SMOC2: variants seen among roughly 807,000 people sequenced by gnomAD.
SMOC2 encodes SPARC-related modular calcium-binding protein 2.
Under a neutral mutation model 61.4 loss-of-function variants are expected in SMOC2, and 39 were observed. That is an observed-to-expected ratio of 0.64 (90% CI 0.49 to 0.83). SMOC2 has a LOEUF of 0.83. Ranked by LOEUF, SMOC2 falls within the 40% of genes least tolerant of loss-of-function variation. The probability of loss-of-function intolerance (pLI) is 0.00; values close to 1 mark genes in which losing one functional copy is unlikely to be tolerated. For missense variants in SMOC2, 556 were observed against 592.9 expected (o/e 0.94, Z 0.65); for synonymous variants, 247 against 239.9 (o/e 1.03, Z -0.27).
intron 1 of SMOC2, among the ~76,000 whole-genome samples, chr6:168,460,390 AGACTTTCCTCACAT>A (rs1337907475): frequency 1.3e-5 from 2 of 152,238 alleles, no homozygotes; most frequent in Non-Finnish European, 2.9e-5. Context: ...GGCCTTTTCA[AGACTTTCCTCACAT>A]GACTTTCTTA....
chr6:168,639,692 C>T (rs561395697), intron 9 of SMOC2, among the ~76,000 whole-genome samples: 93 of 152,354 alleles, frequency 6.1e-4, no homozygotes, highest in Admixed American at 2.3e-3. Context: ...ACTTGGAATG[C>T]GTTCGATTCC....
At chr6:168,531,994 G>A (rs1463942114) in intron 4 of SMOC2, among the ~76,000 whole-genome samples, 2 of 152,178 alleles carry the variant, frequency 1.3e-5, no homozygotes, top group African/African-American at 4.8e-5. Context: ...TGGATATGGC[G>A]AGGACAAGAA....
At chr6:168,655,826 G>T (rs191324707) in intron 11 of SMOC2, among the ~76,000 whole-genome samples, 1 of 152,090 alleles carries the variant, frequency 6.6e-6, no homozygotes, top group Non-Finnish European at 1.5e-5. Flanking sequence ...CTGCCCACTT[G>T]TGCTAGATCT....
chr6:168,452,304 A>AT lies in SMOC2; in HGVS notation c.84+10851dup, dbSNP rs1254492011. On this transcript the variant is annotated intron_variant, in intron 1 of 12. Coordinates refer to ENST00000356284, the MANE Select transcript of SMOC2 (RefSeq NM_001166412.2). This position sits in a 1 kb window ranked among gnomAD's most constrained non-coding sequence, Gnocchi z 5.0. ...TGTTACATTCAGGATTACTACCCAC[A>AT]TATCAGATAAGAGTATCATGTTATT... Among the ~76,000 whole-genome samples, 15 of 152,226 alleles carry AT rather than the reference A, an allele frequency of 9.9e-5. No individual in the cohort carries two copies. The highest frequency in any genetic ancestry group is 2.9e-5 in the Non-Finnish European group (2 of 68,042).
At chr6:168,659,771 GTTGT>G (rs1787451067) in intron 11 of SMOC2, among the ~76,000 whole-genome samples, 15 of 142,928 alleles carry the variant, frequency 1.0e-4, no homozygotes, top group African/African-American at 3.9e-4. Context: ...GTTGGGTGAG[GTTGT>G]AGATTATAGG....
intron 7 of SMOC2, among the ~76,000 whole-genome samples, chr6:168,571,040 C>A (rs1349155336): frequency 6.6e-6 from 1 of 152,110 alleles, no homozygotes. Context: ...TTTCCACGAC[C>A]CTCTTTGCAG....
intron 7 of SMOC2, among the ~76,000 whole-genome samples, chr6:168,562,781 C>A (rs924752980): frequency 6.6e-6 from 1 of 152,168 alleles, no homozygotes; most frequent in African/African-American, 2.4e-5. Flanking sequence ...GATGGTCCTG[C>A]CCCGGGAGAG....
chr6:168,642,085 T>C (rs927549408), intron 9 of SMOC2, among the ~76,000 whole-genome samples: 3 of 152,216 alleles, frequency 2.0e-5, no homozygotes, highest in Non-Finnish European at 2.9e-5. Flanking sequence ...GCAAATTTCA[T>C]TGGATAAAAG....
chr6:168,542,205 A>G (rs73258971), intron 4 of SMOC2, among the ~76,000 whole-genome samples: 4,668 of 152,306 alleles, frequency 0.031, 212 homozygotes, highest in African/African-American at 0.1. Flanking sequence ...TAAAGAGATG[A>G]TCCAAAAGGG....
At position 168,598,874 on chromosome 6, in the gene SMOC2, AACG is replaced by A; in HGVS notation, c.697_699del (p.Asp233del). The A allele has an allele frequency of 6.2e-7, 1 of 1,613,798 alleles. No individual in the cohort carries two copies. The highest frequency in any genetic ancestry group is 8.5e-7 in the Non-Finnish European group (1 of 1,179,836). ...CCTGGAGGAAGCCAAGCAGCCCAAG[AACG>A]ACAATGTGGTGATCCCTGAGTGTGC... On this transcript the variant is annotated inframe_deletion, in exon 8 of 13. Coordinates refer to ENST00000356284, the MANE Select transcript of SMOC2 (RefSeq NM_001166412.2).
chr6:168,511,500 C>T (rs1377131664), intron 2 of SMOC2, among the ~76,000 whole-genome samples: 1 of 152,204 alleles, frequency 6.6e-6, no homozygotes, highest in East Asian at 1.9e-4. Flanking sequence ...CCCACCAGGT[C>T]CCTCCCATGA....
intron 4 of SMOC2, among the ~76,000 whole-genome samples, chr6:168,537,025 C>T (rs1783747650): frequency 6.6e-6 from 1 of 152,228 alleles, no homozygotes; most frequent in Admixed American, 6.5e-5. Context: ...TCTCAGGGTA[C>T]AGGGGAGACA....
rs1785406335 is a variant in SMOC2 at position 168,598,995 on chromosome 6, C to T, written c.815C>T (p.Thr272Ile). Residue 272 changes from threonine (T) to isoleucine (I), a missense_variant, in exon 8 of 13, where the codon ACA becomes ATA. Physicochemically the swap from Thr to Ile is moderately conservative, Grantham distance 89 (BLOSUM62 -1). Coordinates refer to ENST00000356284, the MANE Select transcript of SMOC2 (RefSeq NM_001166412.2). ...LVDTGRPIPG[T>I]STRYEQPKCD... Reference sequence around the variant, plus strand: ...GACACGGGGCGCCCCATTCCCGGCACATCCACAAGGTAAATAGGGTGCACC... The same window carrying T: ...GACACGGGGCGCCCCATTCCCGGCATATCCACAAGGTAAATAGGGTGCACC... 2 of 1,602,916 alleles carry T rather than the reference C, an allele frequency of 1.2e-6. No individual in the cohort carries two copies. The highest frequency in any genetic ancestry group is 2.2e-5 in the South Asian group (2 of 90,182).
At chr6:168,447,362 C>T (rs1302959670) in intron 1 of SMOC2, among the ~76,000 whole-genome samples, 2 of 152,146 alleles carry the variant, frequency 1.3e-5, no homozygotes, top group African/African-American at 4.8e-5. Context: ...TGCTTCTGCC[C>T]AAATTAGAAG....
Position 168,509,910 on chromosome 6 carries a change from T to G in SMOC2, c.85-5T>G. ...TTTGTCTGGCTTCTTTTTTTCTCCT[T>G]TAAGTTTTTGAGAGTGGATCAAGAT... On this transcript the variant is annotated splice_polypyrimidine_tract_variant and splice_region_variant and intron_variant, in intron 1 of 12. Transcript: ENST00000356284. 1 of 1,585,986 alleles carries G rather than the reference T, an allele frequency of 6.3e-7. No individual in the cohort carries two copies. The highest frequency in any genetic ancestry group is 1.1e-5 in the South Asian group (1 of 88,174).
At chr6:168,480,364 G>A (rs1364197477) in intron 1 of SMOC2, among the ~76,000 whole-genome samples, 1 of 152,036 alleles carries the variant, frequency 6.6e-6, no homozygotes. Context: ...AAAGAAAGAT[G>A]TGGAGAAAGT....
chr6:168,600,574 A>G (rs749450897), intron 8 of SMOC2, among the ~76,000 whole-genome samples: 4 of 152,146 alleles, frequency 2.6e-5, no homozygotes, highest in Non-Finnish European at 5.9e-5. Context: ...TGCCCCACTC[A>G]CGCCGGACGG....
chr6:168,607,955 A>G (rs1209688321), intron 8 of SMOC2, among the ~76,000 whole-genome samples: 1 of 152,186 alleles, frequency 6.6e-6, no homozygotes, highest in Non-Finnish European at 1.5e-5. Context: ...GCTTCTTCCT[A>G]CTGACTGCAA....
intron 9 of SMOC2, 88 bp from the exon 10 acceptor site, chr6:168,650,592 CA>C: frequency 7.8e-7 from 1 of 1,283,068 alleles, no homozygotes; most frequent in South Asian, 1.4e-5. Context: ...TACTCATTTC[CA>C]AACAGTAAAA....
Sources: allele counts gnomAD v4.1 joint callset (sites outside exome capture counted in the v4.1 genomes callset), GRCh38; gene constraint gnomAD v4.1.1; non-coding constraint Gnocchi (gnomAD v3.1); transcripts MANE v1.5; gene names NCBI Gene and HGNC (gene_info 2026-07-23, HGNC 2026-07-21).